Variants in GABRG3 observed in about 807,000 individuals in gnomAD.
The protein encoded by GABRG3 is gamma-aminobutyric acid type A receptor subunit gamma3, also known as gamma-aminobutyric acid receptor subunit gamma-3.
In GABRG3, 25 loss-of-function variants were observed where a neutral mutation model predicts 48.8. The ratio of observed to expected loss-of-function variants is 0.51; its 90% confidence interval spans 0.37 to 0.72. GABRG3 has a LOEUF of 0.72. GABRG3 is among the 30% of genes least tolerant of loss of function. The pLI, the probability that GABRG3 is intolerant of heterozygous loss-of-function variation, is 0.00. For missense variants in GABRG3, 394 were observed against 577.9 expected, an observed-to-expected ratio of 0.68 and a Z score of 3.26; for synonymous variants, 227 against 217.6, an observed-to-expected ratio of 1.04 and a Z score of -0.38.
At chr15:27,050,920 T>C (rs1446526157) in intron 3 of GABRG3, among the ~76,000 whole-genome samples, 1 of 152,194 alleles carries the variant, frequency 6.6e-6, no homozygotes, top group Admixed American at 6.5e-5. Flanking sequence ...GCAAATTATG[T>C]AGTTTTTAAA....
At chr15:27,151,610 C>G (rs1898316763) in intron 3 of GABRG3, among the ~76,000 whole-genome samples, 1 of 151,890 alleles carries the variant, frequency 6.6e-6, no homozygotes, top group African/African-American at 2.4e-5. Flanking sequence ...CTTGGTTGAC[C>G]CAACGTATCA....
chr15:26,976,235 C>G lies in GABRG3; in HGVS notation c.54-767C>G, dbSNP rs1894941529. Among the ~76,000 whole-genome samples the G allele has an allele frequency of 6.6e-6, 1 of 152,162 alleles. No homozygotes were observed. Among genetic ancestry groups the G allele is most frequent in the Non-Finnish European group, 1.5e-5 (1 of 68,042 alleles). ...CTGTCCAGCTCCTCCCTGCACAAAACAAGCTCAGAGATGCCCAGGCATTCA... is the reference window on the plus strand; with the variant it reads ...CTGTCCAGCTCCTCCCTGCACAAAAGAAGCTCAGAGATGCCCAGGCATTCA... On this transcript the variant is annotated intron_variant, in intron 1 of 9. Transcript: ENST00000615808. This position sits in a 1 kb window ranked among gnomAD's most constrained non-coding sequence, Gnocchi z 7.8.
intron 5 of GABRG3, among the ~76,000 whole-genome samples, chr15:27,430,964 T>A (rs1400645094): frequency 6.6e-6 from 1 of 151,608 alleles, no homozygotes; most frequent in African/African-American, 2.4e-5. Flanking sequence ...TGCTCCAGCC[T>A]GGGTGACAGA....
At chr15:27,018,314 C>T (rs915673704) in intron 2 of GABRG3, among the ~76,000 whole-genome samples, 2 of 152,190 alleles carry the variant, frequency 1.3e-5, no homozygotes, top group Non-Finnish European at 2.9e-5. Context: ...TCTGAGCTTT[C>T]GAGTACCTAC....
intron 5 of GABRG3, among the ~76,000 whole-genome samples, chr15:27,434,517 A>G (rs1291876652): frequency 6.6e-6 from 1 of 152,040 alleles, no homozygotes; most frequent in Admixed American, 6.6e-5. Context: ...ATAATAAATA[A>G]TTATACATTA....
chr15:27,380,890 C>T (rs1252544904), intron 5 of GABRG3, among the ~76,000 whole-genome samples: 2 of 151,708 alleles, frequency 1.3e-5, no homozygotes, highest in Non-Finnish European at 2.9e-5. Context: ...CTCAGCCTCC[C>T]GAGTAGCTGG....
chr15:27,248,799 CACACAG>C (rs1204890492), intron 3 of GABRG3, among the ~76,000 whole-genome samples: 50 of 115,614 alleles, frequency 4.3e-4, no homozygotes, highest in South Asian at 1.5e-3. Flanking sequence ...CACACACACA[CACACAG>C]AGAGAGAGAG....
Position 27,081,615 on chromosome 15 carries a change from A to G in GABRG3, c.270+54794A>G, listed in dbSNP as rs11857106. ...CCAAATGGATGTCACAGCACGCAGT[A>G]TGGATCACTGACTTACTCCATGGGC... is the stretch of plus-strand genomic sequence containing the variant. On this transcript the variant is annotated intron_variant, in intron 3 of 9. Coordinates refer to ENST00000615808, the MANE Select transcript of GABRG3 (RefSeq NM_033223.5). 5.0e-3 allele frequency among the ~76,000 whole-genome samples: 761 copies of G among 152,246 alleles called. 8 individuals carry two copies. Among genetic ancestry groups the G allele is most frequent in the African/African-American group, 0.017 (706 of 41,522 alleles).
chr15:27,431,638 G>A (rs1888457110), intron 5 of GABRG3, among the ~76,000 whole-genome samples: 1 of 152,166 alleles, frequency 6.6e-6, no homozygotes, highest in Admixed American at 6.5e-5. Context: ...TCCATTTGCT[G>A]CTAGCTGTGA....
chr15:27,237,937 A>C (rs762270231), intron 3 of GABRG3, among the ~76,000 whole-genome samples: 2 of 152,096 alleles, frequency 1.3e-5, no homozygotes, highest in Non-Finnish European at 2.9e-5. Context: ...TTATGCTTAG[A>C]CTCTGCATGC....
At chr15:27,091,979 C>T (rs560466365) in intron 3 of GABRG3, among the ~76,000 whole-genome samples, 1 of 152,300 alleles carries the variant, frequency 6.6e-6, no homozygotes, top group Admixed American at 6.5e-5. Context: ...AGTTTTTCAG[C>T]ATTTCTTAGG....
At chr15:27,305,231 C>T (rs189540474) in intron 3 of GABRG3, among the ~76,000 whole-genome samples, 10 of 151,534 alleles carry the variant, frequency 6.6e-5, no homozygotes, top group Admixed American at 2.6e-4. Flanking sequence ...TACAGTAGAA[C>T]GCAGACTGGA....
intron 3 of GABRG3, among the ~76,000 whole-genome samples, chr15:27,087,069 C>T (rs905439883): frequency 6.6e-6 from 1 of 152,216 alleles, no homozygotes; most frequent in African/African-American, 2.4e-5. Flanking sequence ...TTGCACGGGG[C>T]CAGCCCCCGT....
At chr15:27,211,525 T>C (rs1889080936) in intron 3 of GABRG3, among the ~76,000 whole-genome samples, 1 of 152,268 alleles carries the variant, frequency 6.6e-6, no homozygotes, top group Non-Finnish European at 1.5e-5. Flanking sequence ...TGAATTAAGT[T>C]TGAGGACTAT....
intron 3 of GABRG3, among the ~76,000 whole-genome samples, chr15:27,132,818 T>C (rs890789383): frequency 6.6e-6 from 1 of 151,806 alleles, no homozygotes; most frequent in African/African-American, 2.4e-5. Context: ...CTCTAATCTT[T>C]ATTATTTTCT....
intron 3 of GABRG3, among the ~76,000 whole-genome samples, chr15:27,209,896 G>T (rs759578925): frequency 6.6e-6 from 1 of 152,110 alleles, no homozygotes; most frequent in Non-Finnish European, 1.5e-5. Flanking sequence ...GTCCTCACAC[G>T]GTCTTTCCTC....
intron 5 of GABRG3, chr15:27,362,399 C>T (rs1371014865): frequency 6.6e-6 from 1 of 152,116 alleles, no homozygotes; most frequent in Non-Finnish European, 1.5e-5. Flanking sequence ...CTGGGAGGTT[C>T]AGTTGTCTAA....
chr15:27,031,653 A>G (rs1052155558), intron 3 of GABRG3, among the ~76,000 whole-genome samples: 1 of 152,206 alleles, frequency 6.6e-6, no homozygotes, highest in Non-Finnish European at 1.5e-5. Context: ...ACATGCAGCC[A>G]GAGAAATCAT....
At chr15:27,237,732 A>T (rs1474083008) in intron 3 of GABRG3, among the ~76,000 whole-genome samples, 1 of 152,222 alleles carries the variant, frequency 6.6e-6, no homozygotes, top group Non-Finnish European at 1.5e-5. Context: ...CACCCACAAC[A>T]TAAAGCTTTG....
Sources: gnomAD v4.1 joint callset for allele counts (sites outside exome capture counted in the v4.1 genomes callset) on GRCh38, gnomAD v4.1.1 for gene constraint, Gnocchi (gnomAD v3.1) non-coding constraint, MANE v1.5 for transcripts, NCBI Gene and HGNC (gene_info 2026-07-23, HGNC 2026-07-21) for gene names.